LYZL6: variants seen among roughly 807,000 people sequenced by gnomAD.
The protein encoded by LYZL6 is lysozyme like 6.
LYZL6 carries 21 observed loss-of-function variants against 15.0 expected under a neutral mutation model. The observed-to-expected ratio is 1.40, with a 90% CI of 1.00 to 2.02. The LOEUF is 2.02. Ranked by LOEUF, LYZL6 falls within the 30% of genes most tolerant of loss-of-function variation. LYZL6 has a pLI of 0.00. For missense variants in LYZL6, 173 were observed against 180.5 expected (o/e 0.96, Z 0.24); for synonymous variants, 72 against 67.8 (o/e 1.06, Z -0.31).
intron 1 of LYZL6, among the ~76,000 whole-genome samples, chr17:35,940,947 G>A (rs901353159): frequency 1.3e-5 from 2 of 152,158 alleles, no homozygotes; most frequent in Non-Finnish European, 2.9e-5. Flanking sequence ...TTCTATTTTT[G>A]GCTATCATGA....
intron 4 of LYZL6, among the ~76,000 whole-genome samples, chr17:35,935,817 A>AT (rs762873820): frequency 0.011 from 1,349 of 119,296 alleles, 15 homozygotes; most frequent in African/African-American, 0.034. Flanking sequence ...CAGCCGCCAC[A>AT]TTTTTTTTTT....
chr17:35,934,994 G>A, intron 4 of LYZL6, 129 bp from the exon 5 acceptor site: 3 of 782,272 alleles, frequency 3.8e-6, no homozygotes, highest in Admixed American at 4.3e-5. Flanking sequence ...TAGCCCTCTG[G>A]TCTGTCCTCC....
rs768277943 is a variant in LYZL6, at chr17:35,934,880, G to T, written c.378-15C>A. 1.9e-6 allele frequency: 3 copies of T among 1,613,862 alleles called. No homozygotes were observed. Among genetic ancestry groups the T allele is most frequent in the Admixed American group, 1.7e-5 (1 of 60,014 alleles). ...TCCATTCTACCCTGCGGAGAAAAAA[G>T]ACATGGTTCTTGCCTCACACTCAGT... On this transcript the variant is annotated splice_polypyrimidine_tract_variant and intron_variant, in intron 4 of 4. Transcript: ENST00000615905.
chr17:35,942,887 C>G (rs375954944), intron 1 of LYZL6, among the ~76,000 whole-genome samples: 1 of 152,138 alleles, frequency 6.6e-6, no homozygotes, highest in African/African-American at 2.4e-5. Flanking sequence ...CAGAAACTCT[C>G]GCTCCCAGAT....
At chr17:35,936,291 G>T (rs1276606987) in intron 4 of LYZL6, among the ~76,000 whole-genome samples, 1 of 152,220 alleles carries the variant, frequency 6.6e-6, no homozygotes, top group African/African-American at 2.4e-5. Context: ...ACTGAGCCTA[G>T]CCAGTCCCTA....
intron 4 of LYZL6, among the ~76,000 whole-genome samples, chr17:35,936,297 C>G (rs2089372513): frequency 6.6e-6 from 1 of 152,216 alleles, no homozygotes; most frequent in African/African-American, 2.4e-5. Context: ...CCTAGCCAGT[C>G]CCTATGGTTG....
At chr17:35,943,403 A>AAAC (rs10643082) in intron 1 of LYZL6, among the ~76,000 whole-genome samples, 164 bp downstream of exon 1, 22,937 of 151,994 alleles carry the variant, frequency 0.15, 1,924 homozygotes, top group East Asian at 0.25. Context: ...AATTTCAGAC[A>AAAC]AACAACCTAC....
intron 4 of LYZL6, 118 bp downstream of exon 4, chr17:35,936,637 C>A: frequency 2.6e-6 from 2 of 778,126 alleles, no homozygotes; most frequent in Non-Finnish European, 4.3e-6. Context: ...CGTCCGCTAT[C>A]CCACATCTTT....
At chr17:35,938,766 C>T (rs1340701850) in intron 2 of LYZL6, among the ~76,000 whole-genome samples, 1 of 152,166 alleles carries the variant, frequency 6.6e-6, no homozygotes, top group Non-Finnish European at 1.5e-5. Flanking sequence ...GTCCCCTCTG[C>T]CTAGAGTGTT....
chr17:35,942,972 C>G (rs2089435237), intron 1 of LYZL6, among the ~76,000 whole-genome samples: 1 of 152,174 alleles, frequency 6.6e-6, no homozygotes, highest in Non-Finnish European at 1.5e-5. Context: ...AAACTCTGCT[C>G]TATACAGATA....
At chr17:35,938,182 C>A (rs1286000932) in intron 2 of LYZL6, among the ~76,000 whole-genome samples, 1 of 152,168 alleles carries the variant, frequency 6.6e-6, no homozygotes, top group Non-Finnish European at 1.5e-5. Flanking sequence ...CTGTGCAAAG[C>A]CTAGTGAGGG....
intron 1 of LYZL6, among the ~76,000 whole-genome samples, chr17:35,942,097 C>T (rs2089428571): frequency 6.6e-6 from 1 of 152,178 alleles, no homozygotes; most frequent in Admixed American, 6.5e-5. Context: ...CCTGAGGAAA[C>T]ATCAAAGCCA....
intron 1 of LYZL6, among the ~76,000 whole-genome samples, chr17:35,942,380 C>A (rs1033304561): frequency 3.3e-5 from 5 of 152,168 alleles, no homozygotes; most frequent in Admixed American, 3.3e-4. Context: ...TTCCCCTTAA[C>A]TTAGGTATAT....
rs146771787 is a variant in LYZL6, at chr17:35,934,784, C to T, written c.*12G>A. 10 of 1,613,162 alleles carry T rather than the reference C, an allele frequency of 6.2e-6. No individual in the cohort carries two copies. In the South Asian group the frequency reaches 8.8e-5, roughly 14 times the overall value. On this transcript the variant is annotated 3_prime_UTR_variant, in exon 5 of 5. Coordinates refer to ENST00000615905, the MANE Select transcript of LYZL6 (RefSeq NM_020426.4). The stretch of plus-strand genomic sequence containing the variant: ...GTCTTGGAATGACTCCACGGTGCAC[C>T]CGCACCCTGTTTCATCTCAGGCGGC...
chr17:35,939,997 C>T (rs2089412522), intron 1 of LYZL6, among the ~76,000 whole-genome samples: 1 of 151,968 alleles, frequency 6.6e-6, no homozygotes, highest in Admixed American at 6.6e-5. Flanking sequence ...CCCACTCCCC[C>T]AGACACATGA....
rs543106903 is a variant in LYZL6, at chr17:35,935,213, C to T, written c.378-348G>A. ...CTCCAGAAAGGATCAGCATAATCATCGCTGTCAATTCTTTTCTGTGGTGTT... is the reference window on the plus strand; with the variant it reads ...CTCCAGAAAGGATCAGCATAATCATTGCTGTCAATTCTTTTCTGTGGTGTT... On this transcript the variant is annotated intron_variant, in intron 4 of 4. Coordinates refer to ENST00000615905, the MANE Select transcript of LYZL6 (RefSeq NM_020426.4). 1.7e-3 allele frequency among the ~76,000 whole-genome samples: 261 copies of T among 151,750 alleles called. 1 individual carries two copies. The highest frequency in any genetic ancestry group is 6.1e-3 in the African/African-American group (252 of 41,406).
chr17:35,939,388 G>A lies in LYZL6; in HGVS notation c.-32C>T. Reference sequence around the variant, plus strand: ...AGGGGAGGAGGTGCAGCTGAGGGCTGATGGTTCTTAGGGTCTTGCAGACTT... The same window carrying A: ...AGGGGAGGAGGTGCAGCTGAGGGCTAATGGTTCTTAGGGTCTTGCAGACTT... On this transcript the variant is annotated 5_prime_UTR_variant, in exon 2 of 5. Coordinates refer to ENST00000615905, the MANE Select transcript of LYZL6 (RefSeq NM_020426.4). 1 of 1,610,124 alleles carries A rather than the reference G, an allele frequency of 6.2e-7. No homozygotes were observed. Among genetic ancestry groups the A allele is most frequent in the South Asian group, 1.1e-5 (1 of 90,646 alleles).
chr17:35,941,249 G>T (rs776604821), intron 1 of LYZL6, among the ~76,000 whole-genome samples: 1 of 152,184 alleles, frequency 6.6e-6, no homozygotes, highest in Admixed American at 6.5e-5. Context: ...AGATGGCTAC[G>T]GATGTTGATC....
At chr17:35,941,132 A>G (rs1305992123) in intron 1 of LYZL6, among the ~76,000 whole-genome samples, 1 of 152,190 alleles carries the variant, frequency 6.6e-6, no homozygotes, top group African/African-American at 2.4e-5. Flanking sequence ...TGAAGGTTCC[A>G]ATTTCTCTAC....
Sources: allele counts gnomAD v4.1 joint callset (sites outside exome capture counted in the v4.1 genomes callset), GRCh38; gene constraint gnomAD v4.1.1; transcripts MANE v1.5; gene names NCBI Gene and HGNC (gene_info 2026-07-23, HGNC 2026-07-21).